The following CREBRF variants were observed in gnomAD, a reference collection of about 807,000 sequenced individuals.
CREBRF encodes the protein UPF0474 protein C5orf41.
CREBRF carries 5 observed loss-of-function variants against 66.1 expected under a neutral mutation model. The observed-to-expected ratio is 0.08, with a 90% confidence interval of 0.04 to 0.16. The LOEUF is 0.16. Ranked by LOEUF, CREBRF falls within the 10% of genes least tolerant of loss-of-function variation. The probability of loss-of-function intolerance (pLI) is 1.00; values close to 1 mark genes in which losing one functional copy is unlikely to be tolerated. For missense variants in CREBRF, 531 were observed against 744.9 expected (o/e 0.71, Z 3.34); for synonymous variants, 229 against 264.4 (o/e 0.87, Z 1.30).
chr5:173,092,055 T>G (rs1198947617), intron 4 of CREBRF: 1 of 518,050 alleles, frequency 1.9e-6, no homozygotes, highest in Admixed American at 6.4e-5. Flanking sequence ...CACTCCAGCC[T>G]GGGCAACAGG....
At chr5:173,118,147 T>A (rs1244870722) in intron 7 of CREBRF, among the ~76,000 whole-genome samples, 3 of 152,110 alleles carry the variant, frequency 2.0e-5, no homozygotes, top group Admixed American at 6.5e-5. Context: ...GTGCTGGGAT[T>A]ACAGGCGTGA....
At chr5:173,069,429 T>C (rs912672268) in intron 1 of CREBRF, among the ~76,000 whole-genome samples, 21 of 151,978 alleles carry the variant, frequency 1.4e-4, no homozygotes, top group African/African-American at 4.8e-4. Flanking sequence ...GTTCAAGCAA[T>C]TCCCCCATCT....
At chr5:173,061,143 T>C (rs1757259529) in intron 1 of CREBRF, among the ~76,000 whole-genome samples, 1 of 152,172 alleles carries the variant, frequency 6.6e-6, no homozygotes, top group African/African-American at 2.4e-5. Context: ...AAGTTTTGTA[T>C]TTTTAGTAGA....
intron 8 of CREBRF, among the ~76,000 whole-genome samples, chr5:173,125,889 C>G (rs1040945373): frequency 5.3e-5 from 8 of 151,922 alleles, no homozygotes; most frequent in Non-Finnish European, 1.0e-4. Flanking sequence ...AACAAAAAAA[C>G]ATGGCACGCC....
chr5:173,099,836 C>A (rs1476977656), intron 4 of CREBRF, among the ~76,000 whole-genome samples: 2 of 151,096 alleles, frequency 1.3e-5, no homozygotes, highest in East Asian at 1.9e-4. Context: ...TTTATTGATA[C>A]TACAGTTAAC....
chr5:173,082,014 T>TTTTTTTTTTTTG (rs1757966276), intron 2 of CREBRF, among the ~76,000 whole-genome samples: 8 of 113,784 alleles, frequency 7.0e-5, no homozygotes, highest in Non-Finnish European at 1.2e-4. Context: ...TTTTTTTTTT[T>TTTTTTTTTTTTG]TTTTTTTTTT....
intron 2 of CREBRF, among the ~76,000 whole-genome samples, chr5:173,083,874 A>T (rs1472669546): frequency 6.6e-6 from 1 of 152,148 alleles, no homozygotes; most frequent in African/African-American, 2.4e-5. Context: ...CAGGGAAAAC[A>T]TTTTTTTAAA....
At position 173,134,662 on chromosome 5, in the gene CREBRF, A is replaced by C. The variant is rs943141189; in HGVS notation, c.*917A>C. The C allele has an allele frequency of 6.5e-6, 1 of 152,878 alleles. No homozygotes were observed. The highest frequency in any genetic ancestry group is 1.5e-5 in the Non-Finnish European group (1 of 68,222). 9.5% of individuals were successfully genotyped at this position (152,878 alleles called of 1,614,324 possible). A position where few individuals can be genotyped will look rare whatever the true frequency, so the allele number is the denominator to read the frequency against. On this transcript the variant is annotated 3_prime_UTR_variant, in exon 9 of 9. Transcript: ENST00000296953. ...GATTGTTTTATTTTTTGTACCAAAGACAAATGCAACTGATATGGCAAACTG... is the reference window on the plus strand; with the variant it reads ...GATTGTTTTATTTTTTGTACCAAAGCCAAATGCAACTGATATGGCAAACTG...
chr5:173,113,700 A>T (rs1316167257), intron 7 of CREBRF, among the ~76,000 whole-genome samples: 2 of 152,214 alleles, frequency 1.3e-5, no homozygotes, highest in South Asian at 2.1e-4. Flanking sequence ...TTCACATTGT[A>T]GCACATGTAG....
At chr5:173,105,256 TAC>T (rs1758722391) in intron 4 of CREBRF, among the ~76,000 whole-genome samples, 1 of 148,446 alleles carries the variant, frequency 6.7e-6, no homozygotes, top group African/African-American at 2.5e-5. Flanking sequence ...TGTGTGTGTG[TAC>T]ACACACAGCT....
At chr5:173,118,219 A>G (rs1228573438) in intron 7 of CREBRF, among the ~76,000 whole-genome samples, 1 of 151,824 alleles carries the variant, frequency 6.6e-6, no homozygotes, top group African/African-American at 2.4e-5. Context: ...CATGTTGGCC[A>G]GGCTGGTTTC....
At chr5:173,112,220 A>C in intron 6 of CREBRF, 86 bp from the exon 7 acceptor site, 1 of 921,574 alleles carries the variant, frequency 1.1e-6, no homozygotes, top group Non-Finnish European at 1.6e-6. Context: ...CCTGGGCAAC[A>C]TAGCGAGACC....
chr5:173,058,208 T>A (rs1757134168), intron 1 of CREBRF, among the ~76,000 whole-genome samples: 1 of 152,194 alleles, frequency 6.6e-6, no homozygotes, highest in South Asian at 2.1e-4. Context: ...TAACTTATTT[T>A]AATCTAATTG....
chr5:173,128,994 A>G (rs929885865), intron 8 of CREBRF, among the ~76,000 whole-genome samples: 10 of 145,420 alleles, frequency 6.9e-5, no homozygotes, highest in Admixed American at 6.2e-4. Flanking sequence ...GTTAGCCAGG[A>G]TGGTCTCGAT....
chr5:173,101,606 G>A (rs1022503831), intron 4 of CREBRF, among the ~76,000 whole-genome samples: 10 of 151,350 alleles, frequency 6.6e-5, no homozygotes, highest in African/African-American at 2.4e-4. Flanking sequence ...AGGCTGGAGT[G>A]CAGTGGCACC....
intron 1 of CREBRF, among the ~76,000 whole-genome samples, chr5:173,064,375 A>G (rs1757370499): frequency 6.6e-6 from 1 of 151,852 alleles, no homozygotes; most frequent in African/African-American, 2.4e-5. Flanking sequence ...AATGAGGTGG[A>G]CTCATGCAGT....
intron 3 of CREBRF, among the ~76,000 whole-genome samples, chr5:173,089,227 A>G (rs1319495586): frequency 6.6e-6 from 1 of 150,606 alleles, no homozygotes; most frequent in Non-Finnish European, 1.5e-5. Flanking sequence ...ACACACACAC[A>G]CACACACACA....
intron 2 of CREBRF, among the ~76,000 whole-genome samples, chr5:173,081,953 A>G (rs927244423): frequency 6.6e-6 from 1 of 150,746 alleles, no homozygotes; most frequent in Non-Finnish European, 1.5e-5. Flanking sequence ...AACCTCTGTG[A>G]CAGATGGACT....
intron 1 of CREBRF, among the ~76,000 whole-genome samples, chr5:173,057,020 G>A (rs945587041): frequency 3.3e-5 from 5 of 152,216 alleles, no homozygotes; most frequent in African/African-American, 1.2e-4. Flanking sequence ...GGGCTAGGGG[G>A]GTCCGAGCAG....
Sources: allele counts gnomAD v4.1 joint callset (sites outside exome capture counted in the v4.1 genomes callset), GRCh38; gene constraint gnomAD v4.1.1; transcripts MANE v1.5; gene names NCBI Gene and HGNC (gene_info 2026-07-23, HGNC 2026-07-21).